The following CCDC82 variants were observed in gnomAD, a reference collection of about 807,000 sequenced individuals.
The protein encoded by CCDC82 is coiled-coil domain-containing protein 82.
In CCDC82, 47 loss-of-function variants were observed where a neutral mutation model predicts 60.6. The observed-to-expected ratio is 0.77, with a 90% CI of 0.61 to 0.99. The LOEUF (loss-of-function observed/expected upper bound fraction) is 0.99. CCDC82 is among the 50% of genes least tolerant of loss of function. The pLI is 0.00. For missense variants in CCDC82, 588 were observed against 633.0 expected (o/e 0.93, Z 0.76); for synonymous variants, 212 against 207.4 (o/e 1.02, Z -0.19).
intron 5 of CCDC82, among the ~76,000 whole-genome samples, chr11:96,380,226 A>C (rs1193053061): frequency 6.6e-6 from 1 of 151,754 alleles, no homozygotes; most frequent in Non-Finnish European, 1.5e-5. Context: ...CAAAAAGATA[A>C]AATTTAAAAT....
In CCDC82 at chr11:96,353,266, A is replaced by G. The variant is rs1027792534; in HGVS notation, c.*380T>C. 1 of 173,576 alleles carries G rather than the reference A, an allele frequency of 5.8e-6. No homozygotes were observed. The highest frequency in any genetic ancestry group is 1.2e-5 in the Non-Finnish European group (1 of 82,520). The allele number at this position is 173,576 out of a possible 1,614,324, so 10.8% of individuals were successfully genotyped here. Reference sequence around the variant, plus strand: ...TTTAATACTGTAAAAGAATAAACAGATCTGGACAGGAATTCCGTAAAAATA... The same window carrying G: ...TTTAATACTGTAAAAGAATAAACAGGTCTGGACAGGAATTCCGTAAAAATA... On this transcript the variant is annotated 3_prime_UTR_variant, in exon 10 of 10. Coordinates refer to ENST00000646818, the MANE Select transcript of CCDC82 (RefSeq NM_024725.4).
At chr11:96,383,881 A>C in intron 4 of CCDC82, 81 bp downstream of exon 4, 2 of 1,235,860 alleles carry the variant, frequency 1.6e-6, no homozygotes, top group Non-Finnish European at 2.2e-6. Context: ...AATGGAACGG[A>C]CTCAGCACTT....
chr11:96,356,979 C>T (rs562193730), intron 9 of CCDC82: 23 of 985,394 alleles, frequency 2.3e-5, no homozygotes, highest in Middle Eastern at 5.2e-4. Context: ...GAAATATGAG[C>T]GGAAAGTGCC....
At chr11:96,360,137 TTAAA>T (rs924539422) in intron 8 of CCDC82, among the ~76,000 whole-genome samples, 7 of 147,242 alleles carry the variant, frequency 4.8e-5, no homozygotes, top group East Asian at 1.9e-4. Flanking sequence ...TTAATATATA[TTAAA>T]TATAGATATT....
At chr11:96,384,847 G>A in intron 3 of CCDC82, 86 bp from the exon 4 acceptor site, 1 of 849,104 alleles carries the variant, frequency 1.2e-6, no homozygotes, top group South Asian at 2.2e-5. Context: ...TATTTATTTG[G>A]CTTTATTTAA....
chr11:96,364,426 T>C (rs1864838190), intron 8 of CCDC82: 1 of 152,134 alleles, frequency 6.6e-6, no homozygotes, highest in African/African-American at 2.4e-5. Flanking sequence ...TTTAGATAAA[T>C]ATTATATTTC....
At chr11:96,370,238 T>C (rs984719692) in intron 7 of CCDC82, among the ~76,000 whole-genome samples, 4 of 152,118 alleles carry the variant, frequency 2.6e-5, no homozygotes, top group Admixed American at 2.6e-4. Flanking sequence ...GGATTTTAAA[T>C]AACTTAAACT....
rs1257771743 is a variant in CCDC82, at chr11:96,352,924, G to C, written c.*722C>G. ...TAAGATACATACTTATATGGAAAAA[G>C]CTATGGATAAAAATAAATAAAATAC... is the stretch of plus-strand genomic sequence containing the variant. On this transcript the variant is annotated 3_prime_UTR_variant, in exon 10 of 10. Coordinates refer to ENST00000646818, the MANE Select transcript of CCDC82 (RefSeq NM_024725.4). 6.6e-6 allele frequency: 1 copy of C among 152,078 alleles called. No homozygotes were observed. Among genetic ancestry groups the C allele is most frequent in the African/African-American group, 2.4e-5 (1 of 41,408 alleles). The allele number at this position is 152,078 out of a possible 1,614,324, so 9.4% of individuals were successfully genotyped here. A position where few individuals can be genotyped will look rare whatever the true frequency, so the allele number is the denominator to read the frequency against.
At position 96,371,099 on chromosome 11, in the gene CCDC82, T is replaced by C; in HGVS notation, c.1123A>G (p.Thr375Ala). 1 of 1,600,476 alleles carries C rather than the reference T, an allele frequency of 6.2e-7. No homozygotes were observed. The highest frequency in any genetic ancestry group is 1.1e-5 in the South Asian group (1 of 87,848). The change falls in exon 7 of 10, where the codon ACA (threonine) becomes GCA (alanine). Residue 375 changes from threonine (T) to alanine (A), a missense_variant. Coordinates refer to ENST00000646818, the MANE Select transcript of CCDC82 (RefSeq NM_024725.4). ...CGGTTATCCAAATAATGAAGAGATG[T>C]TAGCATATCTTTTGCATATGATTTT... ...RQKSYAKDML[T>A]SLHYLDNRFV...
At chr11:96,357,480 T>C in intron 9 of CCDC82, 4 of 985,104 alleles carry the variant, frequency 4.1e-6, no homozygotes, top group Non-Finnish European at 4.8e-6. Context: ...ATGCCAAGTG[T>C]TATGCATAAA....
chr11:96,384,492 T>A lies in CCDC82; in HGVS notation c.256A>T (p.Asn86Tyr). 1 of 1,613,856 alleles carries A rather than the reference T, an allele frequency of 6.2e-7. No individual in the cohort carries two copies. The highest frequency in any genetic ancestry group is 8.5e-7 in the Non-Finnish European group (1 of 1,179,840). The change falls in exon 4 of 10, where the codon AAC (asparagine) becomes TAC (tyrosine). Residue 86 changes from asparagine to tyrosine, a missense_variant. Asn to Tyr is a moderately radical substitution (Grantham distance 143, BLOSUM62 -2). Coordinates refer to ENST00000646818, the MANE Select transcript of CCDC82 (RefSeq NM_024725.4). ...CCTTCACTTTGAATTTTACTTAAGT[T>A]GAGCTCTCTTTCACTTCCTGGTGTT... Reference protein sequence around the residue: ...NKTPGSERELNLSKIQSEGND... With the variant: ...NKTPGSERELYLSKIQSEGND...
At chr11:96,377,918 A>G (rs895555267) in intron 5 of CCDC82, among the ~76,000 whole-genome samples, 4 of 152,086 alleles carry the variant, frequency 2.6e-5, no homozygotes, top group African/African-American at 7.2e-5. Flanking sequence ...CCTTGAATTC[A>G]TATCTTATGT....
intron 9 of CCDC82, chr11:96,357,159 A>G (rs931555040): frequency 2.0e-6 from 2 of 985,356 alleles, no homozygotes; most frequent in African/African-American, 3.5e-5. Flanking sequence ...GAAATGTCAG[A>G]GCACGTGACA....
chr11:96,373,513 A>T, intron 5 of CCDC82, 46 bp from the exon 6 acceptor site: 1 of 1,136,866 alleles, frequency 8.8e-7, no homozygotes, highest in South Asian at 1.3e-5. Context: ...AGACAAAATA[A>T]TTTCTTGAAT....
chr11:96,357,177 A>G (rs1166109357), intron 9 of CCDC82: 1 of 985,338 alleles, frequency 1.0e-6, no homozygotes, highest in Non-Finnish European at 1.2e-6. Context: ...ACAAATTTTG[A>G]AATTTCATTA....
intron 8 of CCDC82, 78 bp from the exon 9 acceptor site, chr11:96,359,256 A>C (rs1444884073): frequency 5.4e-6 from 6 of 1,108,254 alleles, no homozygotes; most frequent in African/African-American, 1.6e-5. Context: ...TTAGTAGTAG[A>C]ATCAAAATGC....
At chr11:96,376,983 C>T (rs1233447292) in intron 5 of CCDC82, among the ~76,000 whole-genome samples, 2 of 152,130 alleles carry the variant, frequency 1.3e-5, no homozygotes, top group East Asian at 3.9e-4. Context: ...TTAAAGGATT[C>T]CTGGACACTA....
chr11:96,384,009 A>G lies in CCDC82; in HGVS notation c.739T>C (p.Ser247Pro), dbSNP rs1308036755. 1.2e-6 allele frequency: 2 copies of G among 1,613,356 alleles called. No individual in the cohort carries two copies. Among genetic ancestry groups the G allele is most frequent in the African/African-American group, 2.7e-5 (2 of 74,932 alleles). ...REKLQKLKEL[S>P]KQRSRQRRSS... ...CGTCTCTGACGAGATCTTTGTTTTG[A>G]GAGTTCTTTGAGCTTCTGAAGTTTT... is the stretch of plus-strand genomic sequence containing the variant. The change falls in exon 4 of 10, where the codon TCA (serine) becomes CCA (proline). Residue 247 changes from serine (S) to proline (P), a missense_variant. By Grantham distance (74) the Ser-to-Pro change is moderately conservative (BLOSUM62 -1). Transcript: ENST00000646818.
In CCDC82 at chr11:96,353,799, A is replaced by G. The variant is rs980561908; in HGVS notation, c.1567-85T>C. 17 of 857,522 alleles carry G rather than the reference A, an allele frequency of 2.0e-5. No homozygotes were observed. In the African/African-American group the frequency reaches 2.2e-4, roughly 11 times the overall value. The allele number at this position is 857,522 out of a possible 1,614,324, so 53.1% of individuals were successfully genotyped here. A position where few individuals can be genotyped will look rare whatever the true frequency, so the allele number is the denominator to read the frequency against. On this transcript the variant is annotated intron_variant, in intron 9 of 9. Transcript: ENST00000646818. ...TTTGCAAACTACAGACACAATTAGG[A>G]TAAGTCCATTTCATGGTAATCGTGA...
Sources: allele counts gnomAD v4.1 joint callset (sites outside exome capture counted in the v4.1 genomes callset), GRCh38; gene constraint gnomAD v4.1.1; transcripts MANE v1.5; gene names NCBI Gene and HGNC (gene_info 2026-07-23, HGNC 2026-07-21).